TMEM165: variants seen among roughly 807,000 people sequenced by gnomAD.
The protein encoded by TMEM165 is transmembrane protein 165, also known as putative divalent cation/proton antiporter TMEM165.
TMEM165 carries 19 observed loss-of-function variants against 30.0 expected under a neutral mutation model. That is an observed-to-expected ratio of 0.63 (90% CI 0.44 to 0.93). The LOEUF (loss-of-function observed/expected upper bound fraction) is 0.93. Among genes scored for constraint, TMEM165 ranks in the 40% least tolerant of loss-of-function variants. The pLI is 0.00. For missense variants in TMEM165, 340 were observed against 417.0 expected, an observed-to-expected ratio of 0.82 and a Z score of 1.61; for synonymous variants, 168 against 162.9, an observed-to-expected ratio of 1.03 and a Z score of -0.24.
downstream of TMEM165, chr4:55,427,995 T>TAAC (rs1722306881): frequency 1.3e-5 from 2 of 152,360 alleles, no homozygotes; most frequent in Admixed American, 1.3e-4. Context: ...GGTGTTATTT[T>TAAC]TTGAGAAATG....
In TMEM165 at chr4:55,438,180, T is replaced by C. The variant is rs1723041348; in HGVS notation, c.408+13537T>C. ...GAGATTTAAACTGTACAATAAGCTT[T>C]TGTGAATTTTTCACATCACTCACAA... On this transcript the variant is annotated intron_variant, in intron 3 of 3. Coordinates refer to the TMEM165 transcript ENST00000608091. The C allele has an allele frequency of 5.0e-6, 7 of 1,400,562 alleles. No homozygotes were observed. In the South Asian group the frequency reaches 8.5e-5, roughly 17 times the overall value. The allele number at this position is 1,400,562 out of a possible 1,614,324, so 86.8% of individuals were successfully genotyped here.
intron 3 of TMEM165, among the ~76,000 whole-genome samples, chr4:55,440,410 G>A (rs1723268895): frequency 1.3e-5 from 2 of 152,090 alleles, no homozygotes; most frequent in Non-Finnish European, 2.9e-5. Context: ...ATTTCCATTT[G>A]CCTTTTCTGT....
intron 2 of TMEM165, among the ~76,000 whole-genome samples, chr4:55,414,991 T>A (rs573737386): frequency 5.3e-5 from 8 of 152,366 alleles, no homozygotes; most frequent in Non-Finnish European, 8.8e-5. Flanking sequence ...TTTTCTGTGT[T>A]GTCTTCCCTT....
At chr4:55,449,399 A>G in intron 3 of TMEM165, 1 of 1,612,656 alleles carries the variant, frequency 6.2e-7, no homozygotes, top group Non-Finnish European at 8.5e-7. Context: ...AGCTTACCTG[A>G]CTACTAAATG....
intron 2 of TMEM165, chr4:55,415,295 T>A (rs1331610190): frequency 1.3e-5 from 2 of 152,242 alleles, no homozygotes; most frequent in African/African-American, 4.8e-5. Flanking sequence ...ATTATTTAAC[T>A]ATTTTGCTGC....
intron 1 of TMEM165, chr4:55,403,274 T>A: frequency 7.8e-7 from 1 of 1,288,006 alleles, no homozygotes; most frequent in Non-Finnish European, 1.0e-6. Context: ...CTGTAGATTT[T>A]GTTTCAAGGA....
At chr4:55,431,054 A>C (rs988321668), downstream of TMEM165, 2 of 152,230 alleles carry the variant, frequency 1.3e-5, no homozygotes, top group African/African-American at 4.8e-5. Context: ...GATCCTTTAG[A>C]AATGGTTAAC....
At chr4:55,445,577 A>G (rs1577686318) in intron 3 of TMEM165, among the ~76,000 whole-genome samples, 1 of 72,922 alleles carries the variant, frequency 1.4e-5, no homozygotes, top group East Asian at 6.1e-4. Context: ...TGCTATTTCT[A>G]TATTCTTTTT....
At chr4:55,441,112 C>T (rs562191969) in intron 3 of TMEM165, among the ~76,000 whole-genome samples, 162 of 152,278 alleles carry the variant, frequency 1.1e-3, no homozygotes, top group African/African-American at 3.5e-3. Flanking sequence ...GGGGAAGGAA[C>T]GATGCCATAC....
intron 3 of TMEM165, among the ~76,000 whole-genome samples, chr4:55,450,390 G>A (rs139113472): frequency 6.6e-6 from 1 of 152,304 alleles, no homozygotes. Flanking sequence ...AAATTTATGT[G>A]TTATAGCCAG....
intron 3 of TMEM165, chr4:55,433,957 A>G (rs1198760132): frequency 6.6e-6 from 1 of 152,372 alleles, no homozygotes; most frequent in Non-Finnish European, 1.5e-5. Flanking sequence ...CTAAAGAAAA[A>G]TGCTGATTTA....
At chr4:55,434,754 G>A in intron 3 of TMEM165, 1 of 155,312 alleles carries the variant, frequency 6.4e-6, no homozygotes, top group South Asian at 2.0e-4. Context: ...TGCACATGGT[G>A]TCAGAATTTC....
intron 3 of TMEM165, among the ~76,000 whole-genome samples, chr4:55,445,859 G>A (rs886497312): frequency 2.0e-5 from 3 of 151,724 alleles, no homozygotes; most frequent in Non-Finnish European, 4.4e-5. Context: ...GCCTTCCAAA[G>A]TGCTAAGAAT....
intron 1 of TMEM165, among the ~76,000 whole-genome samples, chr4:55,404,991 C>T (rs778935636): frequency 7.9e-5 from 12 of 152,168 alleles, no homozygotes; most frequent in African/African-American, 1.2e-4. Flanking sequence ...CCCAACCTGA[C>T]GGTCTGTGAT....
At chr4:55,451,250 G>A (rs1724421661) in intron 3 of TMEM165, among the ~76,000 whole-genome samples, 1 of 152,130 alleles carries the variant, frequency 6.6e-6, no homozygotes, top group South Asian at 2.1e-4. Context: ...TGAATTAAAT[G>A]TTAAAGTTAA....
intron 4 of TMEM165, among the ~76,000 whole-genome samples, chr4:55,421,728 C>T (rs894206196): frequency 6.6e-6 from 1 of 152,190 alleles, no homozygotes; most frequent in Admixed American, 6.5e-5. Flanking sequence ...TGCCCGACAG[C>T]GGGCTTTCCC....
chr4:55,398,887 AACAAC>A (rs1292069550), intron 1 of TMEM165: 2 of 140,670 alleles, frequency 1.4e-5, no homozygotes, highest in Non-Finnish European at 3.1e-5. Context: ...AAAAAAAAAA[AACAAC>A]AACCCGATTT....
intron 3 of TMEM165, among the ~76,000 whole-genome samples, chr4:55,435,773 C>G (rs1722832564): frequency 6.6e-6 from 1 of 152,208 alleles, no homozygotes; most frequent in South Asian, 2.1e-4. Flanking sequence ...GGCCTTCCCT[C>G]TTTCTGAAAG....
intron 2 of TMEM165, 46 bp from the exon 3 acceptor site, chr4:55,417,026 C>T (rs775784876): frequency 6.8e-6 from 10 of 1,480,106 alleles, no homozygotes; most frequent in South Asian, 4.1e-5. Flanking sequence ...TTCCCTTGGT[C>T]GTGATACACA....
Sources: gnomAD v4.1 joint callset for allele counts (sites outside exome capture counted in the v4.1 genomes callset) on GRCh38, gnomAD v4.1.1 for gene constraint, MANE v1.5 for transcripts, NCBI Gene and HGNC (gene_info 2026-07-23, HGNC 2026-07-21) for gene names.